Variants in PRKCE observed in about 807,000 individuals in gnomAD.
The protein encoded by PRKCE is protein kinase C epsilon.
PRKCE carries 16 observed loss-of-function variants against 85.4 expected under a neutral mutation model. That is an observed-to-expected ratio of 0.19 (90% CI 0.13 to 0.28). The LOEUF (loss-of-function observed/expected upper bound fraction) is 0.28. PRKCE is among the 10% of genes least tolerant of loss of function. The probability of loss-of-function intolerance (pLI) is 1.00; values close to 1 mark genes in which losing one functional copy is unlikely to be tolerated. For synonymous variants in PRKCE, 388 were observed against 371.5 expected, an observed-to-expected ratio of 1.04 and a Z score of -0.51; for missense variants, 573 against 975.2, an observed-to-expected ratio of 0.59 and a Z score of 5.49.
chr2:45,715,810 G>A (rs1014298751), intron 1 of PRKCE, among the ~76,000 whole-genome samples: 2 of 152,156 alleles, frequency 1.3e-5, no homozygotes, highest in African/African-American at 2.4e-5. Context: ...GGGGTCTGAT[G>A]GTTTGGGACA....
rs182544518 is a variant in PRKCE at position 46,138,816 on chromosome 2, C to T, written c.1593-6277C>T. ...GGGTGCTAGTAAACATCCTGTAGTACACAGCACAGCCCCCCACAACACAGG... is the reference window on the plus strand; with the variant it reads ...GGGTGCTAGTAAACATCCTGTAGTATACAGCACAGCCCCCCACAACACAGG... On this transcript the variant is annotated intron_variant, in intron 11 of 14. Coordinates refer to ENST00000306156, the MANE Select transcript of PRKCE (RefSeq NM_005400.3). This position sits in a 1 kb window ranked among gnomAD's most constrained non-coding sequence, Gnocchi z 4.2. Among the ~76,000 whole-genome samples, 1 of 152,290 alleles carries T rather than the reference C, an allele frequency of 6.6e-6. No homozygotes were observed. The highest frequency in any genetic ancestry group is 6.5e-5 in the Admixed American group (1 of 15,304).
At chr2:46,064,907 G>A (rs1402807018) in intron 10 of PRKCE, among the ~76,000 whole-genome samples, 1 of 152,190 alleles carries the variant, frequency 6.6e-6, no homozygotes, top group Non-Finnish European at 1.5e-5. Context: ...GGAAAGGGGA[G>A]GCCCCATTGT....
At chr2:46,104,588 C>G (rs939371092) in intron 11 of PRKCE, among the ~76,000 whole-genome samples, 1 of 152,026 alleles carries the variant, frequency 6.6e-6, no homozygotes, top group Non-Finnish European at 1.5e-5. Flanking sequence ...CTTTATGATC[C>G]TCTTATTAAG....
intron 10 of PRKCE, among the ~76,000 whole-genome samples, chr2:46,028,568 G>A (rs1371049945): frequency 6.6e-6 from 1 of 152,122 alleles, no homozygotes; most frequent in Non-Finnish European, 1.5e-5. Context: ...TGCCACCACT[G>A]GTTGAAAATA....
At chr2:45,906,572 G>C (rs1479626318) in intron 2 of PRKCE, among the ~76,000 whole-genome samples, 1 of 152,160 alleles carries the variant, frequency 6.6e-6, no homozygotes, top group East Asian at 1.9e-4. Context: ...CTCTGGTTTT[G>C]AGCATGGGCC....
intron 2 of PRKCE, among the ~76,000 whole-genome samples, chr2:45,969,825 T>C (rs1574065003): frequency 6.6e-6 from 1 of 152,200 alleles, no homozygotes; most frequent in Admixed American, 6.5e-5. Flanking sequence ...TTGCTTGACA[T>C]TGGGGTGTAT....
chr2:45,791,970 T>C (rs1392637132), intron 1 of PRKCE, among the ~76,000 whole-genome samples: 1 of 152,246 alleles, frequency 6.6e-6, no homozygotes, highest in East Asian at 1.9e-4. Context: ...CACATGCCTG[T>C]AGTGCTTAGT....
intron 2 of PRKCE, among the ~76,000 whole-genome samples, chr2:45,956,721 A>G (rs1483513604): frequency 1.3e-5 from 2 of 152,156 alleles, no homozygotes; most frequent in Non-Finnish European, 2.9e-5. Context: ...ACTCTTTTCC[A>G]AAGTGACAGG....
chr2:45,703,118 T>A (rs1481108615), intron 1 of PRKCE, among the ~76,000 whole-genome samples: 1 of 30,906 alleles, frequency 3.2e-5, no homozygotes, highest in Non-Finnish European at 6.3e-5. Context: ...CAGCTTCTGT[T>A]TTATTTATTT....
intron 2 of PRKCE, among the ~76,000 whole-genome samples, chr2:45,910,724 G>T (rs1363349315): frequency 6.6e-6 from 1 of 151,994 alleles, no homozygotes; most frequent in East Asian, 1.9e-4. Flanking sequence ...ATTGGAGGTA[G>T]GCGGGTCCAT....
intron 1 of PRKCE, among the ~76,000 whole-genome samples, chr2:45,798,047 CCCAGGAG>C (rs1179884942): frequency 6.6e-6 from 1 of 152,152 alleles, no homozygotes; most frequent in East Asian, 1.9e-4. Context: ...AAGTGATTAA[CCCAGGAG>C]CCAGCTCCTT....
intron 1 of PRKCE, among the ~76,000 whole-genome samples, chr2:45,827,122 C>T (rs10175158): frequency 0.62 from 94,902 of 152,014 alleles, 30,774 homozygotes; most frequent in African/African-American, 0.8. Flanking sequence ...CTCCAACTGC[C>T]CTCCACACTC....
At chr2:46,147,661 G>T (rs1676209328) in intron 12 of PRKCE, among the ~76,000 whole-genome samples, 1 of 152,208 alleles carries the variant, frequency 6.6e-6, no homozygotes, top group Admixed American at 6.5e-5. Flanking sequence ...AGGTATTGCT[G>T]CCTTCATCGA....
chr2:45,652,562 C>T lies in PRKCE; in HGVS notation c.348+114C>T. On this transcript the variant is annotated intron_variant, in intron 1 of 14. Coordinates refer to ENST00000306156, the MANE Select transcript of PRKCE (RefSeq NM_005400.3). This position sits in a 1 kb window ranked among gnomAD's most constrained non-coding sequence, Gnocchi z 7.7. ...CTTATTGACGACTGGGGTGTGTGTG[C>T]CTGTAAGTCTCAGTTTCCTTGGGGA... The T allele has an allele frequency of 2.0e-6, 2 of 1,016,024 alleles. No homozygotes were observed. Among genetic ancestry groups the T allele is most frequent in the South Asian group, 1.7e-5 (1 of 59,434 alleles). 62.9% of individuals were successfully genotyped at this position (1,016,024 alleles called of 1,614,324 possible). A position where few individuals can be genotyped will look rare whatever the true frequency, so the allele number is the denominator to read the frequency against.
rs529134489 is a variant in PRKCE, at chr2:45,916,437, G to C, written c.413-59992G>C. Among the ~76,000 whole-genome samples the C allele has an allele frequency of 1.1e-4, 17 of 152,012 alleles. No homozygotes were observed. In the South Asian group the frequency reaches 2.7e-3, roughly 24 times the overall value. ...AAAAAAATTTCATGTGTGGAGATGG[G>C]GGTCTCACTGTTGCCCAGGATGGTC... is the stretch of plus-strand genomic sequence containing the variant. On this transcript the variant is annotated intron_variant, in intron 2 of 14. Transcript: ENST00000306156.
At chr2:45,957,844 C>CAAGGCTG (rs1701074426) in intron 2 of PRKCE, among the ~76,000 whole-genome samples, 1 of 151,338 alleles carries the variant, frequency 6.6e-6, no homozygotes, top group South Asian at 2.1e-4. Flanking sequence ...TCCAGAGGTT[C>CAAGGCTG]AAGGCTGCAG....
intron 10 of PRKCE, among the ~76,000 whole-genome samples, chr2:46,019,410 G>A (rs1007989024): frequency 1.3e-5 from 2 of 152,144 alleles, no homozygotes; most frequent in African/African-American, 4.8e-5. Flanking sequence ...CTGGCACCCT[G>A]AGCTACCAGG....
intron 6 of PRKCE, among the ~76,000 whole-genome samples, chr2:45,999,561 T>C (rs757304994): frequency 6.6e-6 from 1 of 152,078 alleles, no homozygotes; most frequent in African/African-American, 2.4e-5. Context: ...TAGTTTTTTG[T>C]TGGTTTGTTT....
intron 10 of PRKCE, among the ~76,000 whole-genome samples, chr2:46,049,863 C>G (rs1011266557): frequency 2.0e-5 from 3 of 152,188 alleles, no homozygotes; most frequent in Non-Finnish European, 4.4e-5. Flanking sequence ...CCCATCTTGA[C>G]TAAGACCCTG....
Sources: allele counts gnomAD v4.1 joint callset (sites outside exome capture counted in the v4.1 genomes callset), GRCh38; gene constraint gnomAD v4.1.1; non-coding constraint Gnocchi (gnomAD v3.1); transcripts MANE v1.5; gene names NCBI Gene and HGNC (gene_info 2026-07-23, HGNC 2026-07-21).